Variants in RHOA observed in about 807,000 individuals in gnomAD.
RHOA encodes the protein transforming protein RhoA.
In RHOA, 3 loss-of-function variants were observed where a neutral mutation model predicts 17.5. The ratio of observed to expected loss-of-function variants is 0.17; its 90% confidence interval spans 0.08 to 0.44. The LOEUF (loss-of-function observed/expected upper bound fraction) is 0.44, where lower values mean the gene tolerates loss of function less well. Ranked by LOEUF, RHOA falls within the 20% of genes least tolerant of loss-of-function variation. RHOA has a pLI of 0.99. For missense variants in RHOA, 56 were observed against 242.3 expected, an observed-to-expected ratio of 0.23 and a Z score of 5.10; for synonymous variants, 98 against 88.4, an observed-to-expected ratio of 1.11 and a Z score of -0.61.
chr3:49,411,207 G>C (rs2048928417), intron 1 of RHOA, among the ~76,000 whole-genome samples: 1 of 151,636 alleles, frequency 6.6e-6, no homozygotes, highest in South Asian at 2.1e-4. Flanking sequence ...AAAGCTTTCA[G>C]ACGAGTTCGG....
At chr3:49,408,070 G>T (rs1191354697) in intron 1 of RHOA, among the ~76,000 whole-genome samples, 2 of 151,924 alleles carry the variant, frequency 1.3e-5, no homozygotes, top group African/African-American at 4.8e-5. Context: ...CGAGGCACAA[G>T]AATCACTTGA....
At chr3:49,369,879 CA>C (rs2048124075) in intron 2 of RHOA, among the ~76,000 whole-genome samples, 1 of 152,108 alleles carries the variant, frequency 6.6e-6, no homozygotes, top group African/African-American at 2.4e-5. Context: ...ACTAGCCTGA[CA>C]AATGTGGAGA....
chr3:49,393,186 C>G (rs985732982), intron 1 of RHOA, among the ~76,000 whole-genome samples: 1 of 151,918 alleles, frequency 6.6e-6, no homozygotes, highest in African/African-American at 2.4e-5. Context: ...ATAAAAAAAT[C>G]AGGTATTTTA....
At chr3:49,383,240 C>G (rs1021029401) in intron 1 of RHOA, among the ~76,000 whole-genome samples, 1 of 151,430 alleles carries the variant, frequency 6.6e-6, no homozygotes, top group Admixed American at 6.6e-5. Context: ...GAGACCATCC[C>G]GGCTAACATT....
At chr3:49,392,659 T>C (rs1243897813) in intron 1 of RHOA, among the ~76,000 whole-genome samples, 1 of 152,110 alleles carries the variant, frequency 6.6e-6, no homozygotes, top group African/African-American at 2.4e-5. Flanking sequence ...AAATTTTTCA[T>C]TTTCAAATTC....
chr3:49,375,213 C>A (rs889042739), intron 2 of RHOA, among the ~76,000 whole-genome samples: 4 of 151,392 alleles, frequency 2.6e-5, no homozygotes, highest in African/African-American at 9.7e-5. Context: ...TGAGCCAAGA[C>A]CGAGCCACTG....
At chr3:49,373,874 T>TA (rs1205670189) in intron 2 of RHOA, among the ~76,000 whole-genome samples, 346 of 139,168 alleles carry the variant, frequency 2.5e-3, no homozygotes, top group Middle Eastern at 7.2e-3. Flanking sequence ...AGCAGAAGAT[T>TA]AAAAAAAAAA....
chr3:49,371,291 T>C lies in RHOA; in HGVS notation c.157-2743A>G, dbSNP rs572495543. Among the ~76,000 whole-genome samples the C allele has an allele frequency of 6.4e-4, 97 of 152,112 alleles. 1 individual carries two copies. Among genetic ancestry groups the C allele is most frequent in the African/African-American group, 2.3e-3 (95 of 41,494 alleles). On this transcript the variant is annotated intron_variant, in intron 2 of 4. Transcript: ENST00000418115. ...GTACTATTGCCTACTGTTTTTTTTT[T>C]TTTTTGAGACAGAGTTTCGCCCTTG...
At chr3:49,391,542 A>T (rs920973841) in intron 1 of RHOA, among the ~76,000 whole-genome samples, 6 of 152,140 alleles carry the variant, frequency 3.9e-5, no homozygotes, top group African/African-American at 7.2e-5. Context: ...TACTAGCCAC[A>T]TTGTGACTTT....
chr3:49,397,540 A>G (rs1317842581), intron 1 of RHOA, among the ~76,000 whole-genome samples: 1 of 152,148 alleles, frequency 6.6e-6, no homozygotes, highest in East Asian at 1.9e-4. Flanking sequence ...CGTTGAAAGT[A>G]TGGCAGAGAC....
chr3:49,399,290 A>T (rs1202829858), intron 1 of RHOA, among the ~76,000 whole-genome samples: 5 of 151,646 alleles, frequency 3.3e-5, no homozygotes, highest in African/African-American at 1.2e-4. Flanking sequence ...GAATGACGTG[A>T]ACCTGGGAGG....
intron 1 of RHOA, among the ~76,000 whole-genome samples, chr3:49,407,020 ACCTGTAGT>A (rs1294115500): frequency 6.7e-6 from 1 of 150,102 alleles, no homozygotes; most frequent in Non-Finnish European, 1.5e-5. Context: ...ACACACACAC[ACCTGTAGT>A]CCCAGCTACT....
chr3:49,390,317 T>C (rs1250837599), intron 1 of RHOA, among the ~76,000 whole-genome samples: 1 of 151,970 alleles, frequency 6.6e-6, no homozygotes, highest in Non-Finnish European at 1.5e-5. Flanking sequence ...GTAGTTTTAG[T>C]AGAGACGGGG....
intron 1 of RHOA, among the ~76,000 whole-genome samples, chr3:49,385,168 A>G (rs2048375811): frequency 6.6e-6 from 1 of 151,036 alleles, no homozygotes. Context: ...TTGGCTCCCT[A>G]AGTGTTGGGA....
chr3:49,407,679 G>A (rs1329027783), intron 1 of RHOA, among the ~76,000 whole-genome samples: 1 of 151,570 alleles, frequency 6.6e-6, no homozygotes, highest in Admixed American at 6.6e-5. Context: ...ATATCTAAAT[G>A]ACTTCTAATC....
intron 2 of RHOA, among the ~76,000 whole-genome samples, chr3:49,374,053 TA>T (rs145785119): frequency 1.3e-5 from 2 of 151,520 alleles, no homozygotes; most frequent in African/African-American, 2.4e-5. Flanking sequence ...TATGTTAAAG[TA>T]AAAAAAAATC....
chr3:49,408,116 G>A (rs924555824), intron 1 of RHOA, among the ~76,000 whole-genome samples: 4 of 151,480 alleles, frequency 2.6e-5, no homozygotes, highest in South Asian at 2.1e-4. Flanking sequence ...CCGAGATGGC[G>A]CTACTGCACT....
At chr3:49,376,616 C>T (rs1442731371) in intron 1 of RHOA, among the ~76,000 whole-genome samples, 1 of 141,494 alleles carries the variant, frequency 7.1e-6, no homozygotes, top group African/African-American at 2.7e-5. Flanking sequence ...GCACACCAGC[C>T]TGGGGGACAG....
At chr3:49,380,473 C>T (rs1380950247) in intron 1 of RHOA, among the ~76,000 whole-genome samples, 1 of 151,880 alleles carries the variant, frequency 6.6e-6, no homozygotes, top group African/African-American at 2.4e-5. Context: ...ACTGGGAGGC[C>T]GAGGCGGGCA....
Sources: allele counts gnomAD v4.1 joint callset (sites outside exome capture counted in the v4.1 genomes callset), GRCh38; gene constraint gnomAD v4.1.1; transcripts MANE v1.5; gene names NCBI Gene and HGNC (gene_info 2026-07-23, HGNC 2026-07-21).